SLC25A13: variants seen among roughly 807,000 people sequenced by gnomAD.
SLC25A13 encodes solute carrier family 25 member 13.
A neutral mutation model predicts 85.5 loss-of-function variants in SLC25A13; 70 were observed. That is an observed-to-expected ratio of 0.82 (90% confidence interval 0.68 to 1.00). The LOEUF is 1.00. Among genes scored for constraint, SLC25A13 ranks in the 50% least tolerant of loss-of-function variants. SLC25A13 has a pLI of 0.00. For synonymous variants in SLC25A13, 259 were observed against 288.7 expected (o/e 0.90, Z 1.04); for missense variants, 765 against 819.8 (o/e 0.93, Z 0.82).
At position 96,322,050 on chromosome 7, in the gene SLC25A13, G is replaced by A; in HGVS notation, c.-94C>T. 6.7e-7 allele frequency: 1 copy of A among 1,483,152 alleles called. No individual in the cohort carries two copies. The highest frequency in any genetic ancestry group is 9.1e-7 in the Non-Finnish European group (1 of 1,104,170). The allele number at this position is 1,483,152 out of a possible 1,614,324, so 91.9% of individuals were successfully genotyped here. On this transcript the variant is annotated 5_prime_UTR_variant, in exon 1 of 18. Transcript: ENST00000265631. ...CTCACTTCTAGTCCCGGCGGCGGCG[G>A]CGGTGGGGGCGGCGATACGGCCAGG...
intron 5 of SLC25A13, among the ~76,000 whole-genome samples, chr7:96,194,134 G>A (rs1176891529): frequency 6.6e-6 from 1 of 151,968 alleles, no homozygotes; most frequent in African/African-American, 2.4e-5. Flanking sequence ...TAACTTCTAT[G>A]CAATTAAAAA....
At chr7:96,312,282 T>C (rs1360353029) in intron 1 of SLC25A13, among the ~76,000 whole-genome samples, 2 of 152,322 alleles carry the variant, frequency 1.3e-5, no homozygotes, top group Admixed American at 6.5e-5. Context: ...AGTTTCTCGA[T>C]GTATATTATG....
chr7:96,294,616 A>G lies in SLC25A13; in HGVS notation c.69+2282T>C, dbSNP rs566893842. 3.7e-3 allele frequency among the ~76,000 whole-genome samples: 553 copies of G among 151,158 alleles called. 4 individuals are homozygous for G. The highest frequency in any genetic ancestry group is 0.013 in the African/African-American group (535 of 41,312). On this transcript the variant is annotated intron_variant, in intron 2 of 17. Transcript: ENST00000265631. ...ACAGTGAGACTCTGTCTCAGAAAAA[A>G]AAAAAAAGAAAAAAAAGAAACTCTA...
chr7:96,300,233 C>T (rs1014959301), intron 1 of SLC25A13, among the ~76,000 whole-genome samples: 3 of 151,922 alleles, frequency 2.0e-5, no homozygotes, highest in Admixed American at 2.0e-4. Flanking sequence ...AACATAGTGA[C>T]ACCCCATCTT....
intron 1 of SLC25A13, among the ~76,000 whole-genome samples, chr7:96,306,348 T>C (rs549784689): frequency 9.3e-4 from 142 of 152,338 alleles, no homozygotes; most frequent in African/African-American, 3.2e-3. Context: ...CCATTTCAGA[T>C]ACACCTGTGG....
At position 96,184,915 on chromosome 7, in the gene SLC25A13, T is replaced by G; in HGVS notation, c.1018+12A>C. Reference sequence around the variant, plus strand: ...AACAAAAGTGAAAATTTTTCTCTCATCCATGACTAACCTCCAGCAACAGAA... The same window carrying G: ...AACAAAAGTGAAAATTTTTCTCTCAGCCATGACTAACCTCCAGCAACAGAA... On this transcript the variant is annotated intron_variant, in intron 10 of 17. Coordinates refer to ENST00000265631, the MANE Select transcript of SLC25A13 (RefSeq NM_014251.3). 2 of 1,611,226 alleles carry G rather than the reference T, an allele frequency of 1.2e-6. No individual in the cohort carries two copies. The highest frequency in any genetic ancestry group is 1.7e-6 in the Non-Finnish European group (2 of 1,177,348).
At chr7:96,287,394 G>A (rs144297702) in intron 2 of SLC25A13, among the ~76,000 whole-genome samples, 1 of 152,100 alleles carries the variant, frequency 6.6e-6, no homozygotes, top group East Asian at 1.9e-4. Context: ...CATAGTCCCA[G>A]CCACCCCAAG....
chr7:96,294,923 A>G (rs760330932), intron 2 of SLC25A13, among the ~76,000 whole-genome samples: 72 of 152,122 alleles, frequency 4.7e-4, no homozygotes, highest in Non-Finnish European at 9.7e-4. Flanking sequence ...TTGCTTTTGG[A>G]GTCTTTATTT....
At chr7:96,124,602 G>T (rs1253329743) in intron 15 of SLC25A13, among the ~76,000 whole-genome samples, 1 of 152,064 alleles carries the variant, frequency 6.6e-6, no homozygotes, top group African/African-American at 2.4e-5. Context: ...GTTGATATTT[G>T]CCTGGTACAT....
chr7:96,233,064 G>A (rs73710232), intron 4 of SLC25A13, among the ~76,000 whole-genome samples: 2 of 152,136 alleles, frequency 1.3e-5, no homozygotes, highest in Non-Finnish European at 2.9e-5. Context: ...CACTTCACAC[G>A]CATGAAGGGA....
At chr7:96,213,388 G>A (rs961294680) in intron 4 of SLC25A13, among the ~76,000 whole-genome samples, 3 of 152,156 alleles carry the variant, frequency 2.0e-5, no homozygotes, top group South Asian at 2.1e-4. Flanking sequence ...AGAGGTAAGA[G>A]GAACAAGTCC....
chr7:96,177,086 T>C (rs983688760), intron 11 of SLC25A13, among the ~76,000 whole-genome samples: 3 of 152,340 alleles, frequency 2.0e-5, no homozygotes, highest in South Asian at 2.1e-4. Flanking sequence ...CCAAAAGACA[T>C]AATGCTTCTT....
chr7:96,321,815 A>G lies in SLC25A13; in HGVS notation c.15+127T>C, dbSNP rs998547426. 1.3e-5 allele frequency: 16 copies of G among 1,243,354 alleles called. No homozygotes were observed. In the African/African-American group the frequency reaches 2.1e-4, roughly 16 times the overall value. 77.0% of individuals were successfully genotyped at this position (1,243,354 alleles called of 1,614,324 possible). On this transcript the variant is annotated intron_variant, in intron 1 of 17. Transcript: ENST00000265631. ...CCTCCCTCCAGCAGCCGCAAGGTGG[A>G]ACGGCTGCCCGGCACCCCATTTTGC... is the stretch of plus-strand genomic sequence containing the variant.
chr7:96,309,028 T>A (rs1006451590), intron 1 of SLC25A13, among the ~76,000 whole-genome samples: 1 of 152,206 alleles, frequency 6.6e-6, no homozygotes. Flanking sequence ...AATGAAAAGA[T>A]GTTGGCATCC....
intron 14 of SLC25A13, among the ~76,000 whole-genome samples, chr7:96,143,217 A>G (rs890750770): frequency 2.0e-5 from 3 of 152,222 alleles, no homozygotes; most frequent in Non-Finnish European, 4.4e-5. Flanking sequence ...TTTACTGTTA[A>G]ATGATAAGTT....
intron 3 of SLC25A13, among the ~76,000 whole-genome samples, chr7:96,238,602 G>C (rs1796832980): frequency 6.6e-6 from 1 of 152,018 alleles, no homozygotes; most frequent in Admixed American, 6.6e-5. Flanking sequence ...AATAAAAGAA[G>C]ACCTTGAGGA....
chr7:96,303,638 T>C (rs1799634892), intron 1 of SLC25A13, among the ~76,000 whole-genome samples: 1 of 152,154 alleles, frequency 6.6e-6, no homozygotes, highest in Non-Finnish European at 1.5e-5. Flanking sequence ...TGAGTGAGAT[T>C]TGGCAAATGT....
intron 4 of SLC25A13, among the ~76,000 whole-genome samples, chr7:96,212,781 T>C (rs928369378): frequency 2.0e-5 from 3 of 152,148 alleles, no homozygotes; most frequent in Non-Finnish European, 4.4e-5. Context: ...GCTATGTTTA[T>C]GGTGAAGAAA....
chr7:96,245,565 T>G (rs1438950690), intron 3 of SLC25A13, among the ~76,000 whole-genome samples: 2 of 152,246 alleles, frequency 1.3e-5, no homozygotes, highest in Non-Finnish European at 2.9e-5. Flanking sequence ...TATCTTATTA[T>G]ACTACATTGT....
Sources: allele counts gnomAD v4.1 joint callset (sites outside exome capture counted in the v4.1 genomes callset), GRCh38; gene constraint gnomAD v4.1.1; transcripts MANE v1.5; gene names NCBI Gene and HGNC (gene_info 2026-07-23, HGNC 2026-07-21).